The following NHEJ1 variants were observed in gnomAD, a reference collection of about 807,000 sequenced individuals.
NHEJ1 encodes the protein non-homologous end joining factor 1, also known as non-homologous end-joining factor 1.
A neutral mutation model predicts 39.4 loss-of-function variants in NHEJ1; 22 were observed. The observed-to-expected ratio is 0.56, with a 90% confidence interval of 0.40 to 0.80. The LOEUF is 0.80. NHEJ1 is among the 30% of genes least tolerant of loss of function. The pLI is 0.00. For synonymous variants in NHEJ1, 154 were observed against 135.6 expected (o/e 1.14, Z -0.94); for missense variants, 329 against 357.1 (o/e 0.92, Z 0.63).
At chr2:219,101,791 T>A (rs1435909519) in intron 5 of NHEJ1, among the ~76,000 whole-genome samples, 1 of 150,524 alleles carries the variant, frequency 6.6e-6, no homozygotes, top group Admixed American at 6.7e-5. Flanking sequence ...AGTGGCGCGA[T>A]CTCAGCTCAC....
intron 5 of NHEJ1, among the ~76,000 whole-genome samples, chr2:219,109,580 C>G (rs1949344561): frequency 6.6e-6 from 1 of 152,154 alleles, no homozygotes; most frequent in African/African-American, 2.4e-5. Flanking sequence ...CAAGGGCTCT[C>G]TGTGTCCCAA....
chr2:219,121,050 G>A (rs1949466487), intron 5 of NHEJ1, among the ~76,000 whole-genome samples: 1 of 151,930 alleles, frequency 6.6e-6, no homozygotes, highest in South Asian at 2.1e-4. Context: ...TACAAAATTA[G>A]CCAGGCATGG....
chr2:219,076,746 G>T (rs1949018019), intron 7 of NHEJ1, among the ~76,000 whole-genome samples: 1 of 152,010 alleles, frequency 6.6e-6, no homozygotes, highest in Non-Finnish European at 1.5e-5. Flanking sequence ...TCACTTGGTT[G>T]CCCAGGCTGG....
In NHEJ1 at chr2:219,111,628, G is replaced by GACACACACACACACACACACACAC. The variant is rs368706049; in HGVS notation, c.589-33446_589-33423dup. On this transcript the variant is annotated intron_variant, in intron 5 of 7. Coordinates refer to ENST00000356853, the MANE Select transcript of NHEJ1 (RefSeq NM_024782.3). This position sits in a 1 kb window ranked among gnomAD's most constrained non-coding sequence, Gnocchi z 4.1. ...GAATTAAGTCTACAGTGTGAATACA[G>GACACACACACACACACACACACAC]ACACACACACACACACACACACACA... is the stretch of plus-strand genomic sequence containing the variant. Among the ~76,000 whole-genome samples the GACACACACACACACACACACACAC allele has an allele frequency of 4.3e-5, 6 of 138,370 alleles. No homozygotes were observed. The highest frequency in any genetic ancestry group is 2.1e-4 in the East Asian group (1 of 4,754). 90.8% of individuals were successfully genotyped at this position (138,370 alleles called of 152,430 possible).
intron 5 of NHEJ1, among the ~76,000 whole-genome samples, chr2:219,087,576 C>G (rs1456636200): frequency 1.3e-5 from 2 of 152,162 alleles, no homozygotes; most frequent in Non-Finnish European, 2.9e-5. Context: ...TCCCTGCCCC[C>G]ATCCCGCCTG....
chr2:219,076,519 A>G lies in NHEJ1; in HGVS notation c.826-64T>C, dbSNP rs186410477. The stretch of plus-strand genomic sequence containing the variant: ...ATAGTTCCACTGAAATTAGGAAAGG[A>G]ACTTTCTTCCTCTCATGGCTCCTGG... On this transcript the variant is annotated intron_variant, in intron 7 of 7. Coordinates refer to ENST00000356853, the MANE Select transcript of NHEJ1 (RefSeq NM_024782.3). 1.5e-3 allele frequency: 2,094 copies of G among 1,412,294 alleles called. 2 individuals are homozygous for G. The highest frequency in any genetic ancestry group is 1.9e-3 in the Non-Finnish European group (1,953 of 1,006,248). 87.5% of individuals were successfully genotyped at this position (1,412,294 alleles called of 1,614,324 possible).
intron 2 of NHEJ1, 78 bp from the exon 3 acceptor site, chr2:219,157,762 C>T (rs1949869427): frequency 2.5e-6 from 3 of 1,204,936 alleles, no homozygotes; most frequent in Non-Finnish European, 3.6e-6. Flanking sequence ...AAAGGAAAGC[C>T]CTGGTTAACA....
intron 3 of NHEJ1, among the ~76,000 whole-genome samples, chr2:219,149,132 C>T (rs920394958): frequency 6.6e-6 from 1 of 152,266 alleles, no homozygotes; most frequent in Admixed American, 6.5e-5. Flanking sequence ...GATCTGCCTG[C>T]CTCGGCCTCC....
chr2:219,145,192 G>A (rs1949724298), intron 5 of NHEJ1, among the ~76,000 whole-genome samples: 7 of 151,992 alleles, frequency 4.6e-5, no homozygotes. Context: ...TCCAGTCTGG[G>A]TGACAGAGCA....
At chr2:219,151,764 C>T (rs934969196) in intron 3 of NHEJ1, among the ~76,000 whole-genome samples, 1 of 152,100 alleles carries the variant, frequency 6.6e-6, no homozygotes, top group Non-Finnish European at 1.5e-5. Flanking sequence ...GCCAGGAATG[C>T]AAGATCAGCC....
rs910827384 is a variant in NHEJ1, at chr2:219,070,905, T to A, written c.*5476A>T. ...CACACCGTTATTAGTATTGCTGTTA[T>A]CTATGAAACAAAATCTAAATTATTA... On this transcript the variant is annotated 3_prime_UTR_variant, in exon 8 of 8. Coordinates refer to ENST00000356853, the MANE Select transcript of NHEJ1 (RefSeq NM_024782.3). Among the ~76,000 whole-genome samples the A allele has an allele frequency of 5.3e-5, 8 of 152,226 alleles. No individual in the cohort carries two copies. The highest frequency in any genetic ancestry group is 1.7e-4 in the African/African-American group (7 of 41,464).
At chr2:219,136,850 G>A (rs1347839626) in intron 5 of NHEJ1, among the ~76,000 whole-genome samples, 2 of 151,914 alleles carry the variant, frequency 1.3e-5, no homozygotes, top group African/African-American at 2.4e-5. Flanking sequence ...TGATCTGCCC[G>A]CCTCAGCCTC....
chr2:219,147,898 G>C, intron 3 of NHEJ1, 103 bp from the exon 4 acceptor site: 1 of 1,182,458 alleles, frequency 8.5e-7, no homozygotes, highest in Non-Finnish European at 1.2e-6. Flanking sequence ...TGTTCTTACA[G>C]AAACTTATAG....
At chr2:219,136,088 T>C (rs924817867) in intron 5 of NHEJ1, among the ~76,000 whole-genome samples, 4 of 152,208 alleles carry the variant, frequency 2.6e-5, no homozygotes, top group African/African-American at 9.6e-5. Context: ...GTAATATGAC[T>C]GGCCCCTGCA....
At chr2:219,158,680 T>C (rs369672062) in intron 1 of NHEJ1, 5 of 393,822 alleles carry the variant, frequency 1.3e-5, no homozygotes, top group Admixed American at 3.8e-5. Context: ...TACTATAACA[T>C]AACGTGGAAA....
chr2:219,080,852 G>C (rs1949060332), intron 5 of NHEJ1, among the ~76,000 whole-genome samples: 1 of 151,990 alleles, frequency 6.6e-6, no homozygotes, highest in South Asian at 2.1e-4. Flanking sequence ...AATGAGCATG[G>C]TAGGCACTAG....
intron 5 of NHEJ1, chr2:219,095,304 G>C (rs1390744016): frequency 4.2e-6 from 2 of 470,888 alleles, no homozygotes; most frequent in Admixed American, 4.7e-5. Flanking sequence ...GCAGCATGTA[G>C]AGTTCTAGGC....
rs917690903 is a variant in NHEJ1, at chr2:219,120,170, A to T, written c.588+26510T>A. Among the ~76,000 whole-genome samples, 13 of 152,332 alleles carry T rather than the reference A, an allele frequency of 8.5e-5. No homozygotes were observed. In the South Asian group the frequency reaches 2.7e-3, roughly 32 times the overall value. ...TGGGCAAACATTCTAATATGTAGTA[A>T]GTTCACTGAGCAGTCACTTCATCTC... On this transcript the variant is annotated intron_variant, in intron 5 of 7. Coordinates refer to ENST00000356853, the MANE Select transcript of NHEJ1 (RefSeq NM_024782.3).
At chr2:219,117,026 C>T (rs1256644587) in intron 5 of NHEJ1, among the ~76,000 whole-genome samples, 1 of 152,080 alleles carries the variant, frequency 6.6e-6, no homozygotes, top group Non-Finnish European at 1.5e-5. Flanking sequence ...CTCTTCCCAT[C>T]CCACAACCTG....
Sources: gnomAD v4.1 joint callset for allele counts (sites outside exome capture counted in the v4.1 genomes callset) on GRCh38, gnomAD v4.1.1 for gene constraint, Gnocchi (gnomAD v3.1) non-coding constraint, MANE v1.5 for transcripts, NCBI Gene and HGNC (gene_info 2026-07-23, HGNC 2026-07-21) for gene names.